Variants in PXDNL observed in about 807,000 individuals in gnomAD.
The protein encoded by PXDNL is probable oxidoreductase PXDNL.
A neutral mutation model predicts 150.8 loss-of-function variants in PXDNL; 145 were observed. That is an observed-to-expected ratio of 0.96 (90% CI 0.84 to 1.10). PXDNL has a LOEUF of 1.10. Ranked by LOEUF, PXDNL falls within the 50% of genes least tolerant of loss-of-function variation. The pLI is 0.00. For missense variants in PXDNL, 2,087 were observed against 1,873.9 expected, an observed-to-expected ratio of 1.11 and a Z score of -2.10; for synonymous variants, 757 against 725.7, an observed-to-expected ratio of 1.04 and a Z score of -0.69.
At chr8:51,752,258 G>A (rs2037052895) in intron 1 of PXDNL, among the ~76,000 whole-genome samples, 1 of 152,124 alleles carries the variant, frequency 6.6e-6, no homozygotes, top group South Asian at 2.1e-4. Context: ...GGAGGTTTGG[G>A]GAGCTCTTTT....
At chr8:51,448,732 A>AAAC (rs1809738825) in intron 11 of PXDNL, among the ~76,000 whole-genome samples, 1 of 98,162 alleles carries the variant, frequency 1.0e-5, no homozygotes, top group Non-Finnish European at 2.5e-5. Context: ...AACAAACAAA[A>AAAC]CAACTGTACG....
intron 17 of PXDNL, 63 bp downstream of exon 17, chr8:51,408,004 G>T (rs1808482453): frequency 3.6e-6 from 5 of 1,406,278 alleles, no homozygotes; most frequent in Non-Finnish European, 3.8e-6. Flanking sequence ...CACACAAAAT[G>T]ACCTTTAACA....
chr8:51,636,345 C>T (rs1358965382), intron 2 of PXDNL, among the ~76,000 whole-genome samples: 1 of 152,000 alleles, frequency 6.6e-6, no homozygotes, highest in Non-Finnish European at 1.5e-5. Context: ...AAGTTCTAGC[C>T]AGAGCAGTTA....
At chr8:51,385,860 G>A (rs531338532) in intron 17 of PXDNL, among the ~76,000 whole-genome samples, 7 of 152,250 alleles carry the variant, frequency 4.6e-5, no homozygotes, top group South Asian at 4.2e-4. Context: ...CTGCCACCAG[G>A]TAAGACATGC....
At chr8:51,438,596 T>A (rs569856145) in intron 12 of PXDNL, among the ~76,000 whole-genome samples, 28 of 152,136 alleles carry the variant, frequency 1.8e-4, no homozygotes, top group Non-Finnish European at 1.8e-4. Flanking sequence ...GTGCCTATAG[T>A]CCCAGCTACT....
chr8:51,607,314 G>T (rs571746598), intron 2 of PXDNL, among the ~76,000 whole-genome samples: 1 of 152,244 alleles, frequency 6.6e-6, no homozygotes, highest in African/African-American at 2.4e-5. Context: ...GAGTTAATTG[G>T]CACTAATAGA....
chr8:51,418,171 G>A (rs890935942), intron 14 of PXDNL, among the ~76,000 whole-genome samples: 3 of 152,176 alleles, frequency 2.0e-5, no homozygotes, highest in Middle Eastern at 3.4e-3. Flanking sequence ...ACAAACATAC[G>A]TGTATGTATA....
intron 2 of PXDNL, among the ~76,000 whole-genome samples, chr8:51,650,949 C>T (rs1253157788): frequency 6.6e-6 from 1 of 152,106 alleles, no homozygotes; most frequent in African/African-American, 2.4e-5. Flanking sequence ...GAAAGGAAAA[C>T]TGTTTATTTC....
chr8:51,369,083 G>A (rs973812262), intron 19 of PXDNL, among the ~76,000 whole-genome samples: 4 of 152,100 alleles, frequency 2.6e-5, no homozygotes, highest in African/African-American at 9.7e-5. Flanking sequence ...AAAGGAGAGG[G>A]AAGAAATCTA....
At chr8:51,800,517 G>T (rs2037607327) in intron 1 of PXDNL, among the ~76,000 whole-genome samples, 1 of 152,218 alleles carries the variant, frequency 6.6e-6, no homozygotes, top group Non-Finnish European at 1.5e-5. Context: ...CAGACTCAGT[G>T]TGGAGAAAAT....
chr8:51,328,074 C>T (rs1311022843), intron 21 of PXDNL, among the ~76,000 whole-genome samples: 2 of 152,184 alleles, frequency 1.3e-5, no homozygotes, highest in South Asian at 2.1e-4. Flanking sequence ...TGTGGGTGGG[C>T]CTCATCCAGT....
At chr8:51,608,185 C>A (rs1172500363) in intron 2 of PXDNL, among the ~76,000 whole-genome samples, 1 of 147,626 alleles carries the variant, frequency 6.8e-6, no homozygotes, top group African/African-American at 2.6e-5. Flanking sequence ...GTCAGGAGAT[C>A]AAGACCATCC....
intron 1 of PXDNL, among the ~76,000 whole-genome samples, chr8:51,780,365 C>A (rs894597536): frequency 6.6e-6 from 1 of 152,076 alleles, no homozygotes; most frequent in African/African-American, 2.4e-5. Context: ...TATATTTTCT[C>A]AAAGAAAATT....
intron 2 of PXDNL, among the ~76,000 whole-genome samples, chr8:51,627,240 TG>T (rs888212169): frequency 1.2e-4 from 18 of 152,154 alleles, no homozygotes; most frequent in African/African-American, 4.1e-4. Context: ...AGGTCACTAG[TG>T]GTTACCAAGT....
At chr8:51,690,921 T>C (rs1408090460) in intron 1 of PXDNL, among the ~76,000 whole-genome samples, 1 of 152,178 alleles carries the variant, frequency 6.6e-6, no homozygotes, top group Non-Finnish European at 1.5e-5. Flanking sequence ...TGATGGCCAG[T>C]GATGATGAGC....
rs368493524 is a variant in PXDNL, at chr8:51,457,053, T to C, written c.982+445A>G. On this transcript the variant is annotated intron_variant, in intron 9 of 22. Transcript: ENST00000356297. ...TGGTTTATATAAGCCACTGAAATTA[T>C]GACAAAGCAAAGCCCCTGGAAAGTT... Among the ~76,000 whole-genome samples the C allele has an allele frequency of 5.3e-5, 8 of 152,324 alleles. No homozygotes were observed. The East Asian group carries it at 1.5e-3, about 29-fold the overall frequency.
chr8:51,374,361 ACTTCTATTGCCTT>A (rs899164331), intron 18 of PXDNL, among the ~76,000 whole-genome samples: 32 of 152,328 alleles, frequency 2.1e-4, no homozygotes, highest in Admixed American at 3.3e-4. Context: ...TCAATCGCCA[ACTTCTATTGCCTT>A]TTGAGAAATT....
intron 3 of PXDNL, among the ~76,000 whole-genome samples, chr8:51,584,397 C>A (rs781624156): frequency 7.2e-5 from 11 of 152,130 alleles, no homozygotes; most frequent in Non-Finnish European, 1.5e-4. Context: ...TGCTTCTGTT[C>A]CTACAATTTT....
At chr8:51,775,781 A>G (rs1361556310) in intron 1 of PXDNL, among the ~76,000 whole-genome samples, 3 of 152,150 alleles carry the variant, frequency 2.0e-5, no homozygotes, top group Non-Finnish European at 2.9e-5. Context: ...TTGTTTAAAC[A>G]ATTTGAAAGC....
Sources: allele counts gnomAD v4.1 joint callset (sites outside exome capture counted in the v4.1 genomes callset), GRCh38; gene constraint gnomAD v4.1.1; transcripts MANE v1.5; gene names NCBI Gene and HGNC (gene_info 2026-07-23, HGNC 2026-07-21).